The following ITIH5 variants were observed in gnomAD, a reference collection of about 807,000 sequenced individuals.
The protein encoded by ITIH5 is inter-alpha-trypsin inhibitor heavy chain 5.
In ITIH5, 65 loss-of-function variants were observed where a neutral mutation model predicts 77.5. That is an observed-to-expected ratio of 0.84 (90% CI 0.69 to 1.03). ITIH5 has a LOEUF of 1.03. Ranked by LOEUF, ITIH5 falls within the 50% of genes least tolerant of loss-of-function variation. ITIH5 has a pLI of 0.00. For missense variants in ITIH5, 1,208 were observed against 1,213.1 expected, an observed-to-expected ratio of 1.00 and a Z score of 0.06; for synonymous variants, 525 against 494.3, an observed-to-expected ratio of 1.06 and a Z score of -0.82.
At chr10:7,639,692 A>C (rs1053951651) in intron 4 of ITIH5, among the ~76,000 whole-genome samples, 1 of 152,214 alleles carries the variant, frequency 6.6e-6, no homozygotes, top group Admixed American at 6.5e-5. Flanking sequence ...AGGAAAAAAT[A>C]ATCTTAGTGT....
intron 2 of ITIH5, among the ~76,000 whole-genome samples, chr10:7,652,290 C>T (rs902781377): frequency 6.6e-6 from 1 of 152,082 alleles, no homozygotes; most frequent in African/African-American, 2.4e-5. Flanking sequence ...AATTCAAGCA[C>T]GGAACATTCA....
At position 7,637,231 on chromosome 10, in the gene ITIH5, C is replaced by G; in HGVS notation, c.649G>C (p.Glu217Gln). ...NSRQRGSGRG[E>Q]DDSGPPPSTV... Reference sequence around the variant, plus strand: ...GAACCCAGCACGCAGGACTCACCTTCCCCGCGCCCACTGCCCCTCTGCCTG... The same window carrying G: ...GAACCCAGCACGCAGGACTCACCTTGCCCGCGCCCACTGCCCCTCTGCCTG... Residue 217 changes from glutamate (E) to glutamine (Q), a missense_variant, in exon 5 of 14, where the codon GAA becomes CAA. By Grantham distance (29) the Glu-to-Gln change is conservative (BLOSUM62 2). Transcript: ENST00000397146. 1 of 1,606,634 alleles carries G rather than the reference C, an allele frequency of 6.2e-7. No homozygotes were observed. The highest frequency in any genetic ancestry group is 1.1e-5 in the South Asian group (1 of 91,018).
At chr10:7,571,153 T>C (rs1267209765) in intron 11 of ITIH5, among the ~76,000 whole-genome samples, 1 of 152,086 alleles carries the variant, frequency 6.6e-6, no homozygotes, top group Non-Finnish European at 1.5e-5. Flanking sequence ...CCCTGAAAAT[T>C]GCAACATATG....
chr10:7,595,569 C>T (rs1454488418), intron 7 of ITIH5, among the ~76,000 whole-genome samples: 1 of 152,194 alleles, frequency 6.6e-6, no homozygotes, highest in African/African-American at 2.4e-5. Flanking sequence ...ATACGTACTT[C>T]ACTTGGGTTA....
chr10:7,604,292 C>T (rs924862361), intron 7 of ITIH5, among the ~76,000 whole-genome samples: 1 of 152,178 alleles, frequency 6.6e-6, no homozygotes, highest in Non-Finnish European at 1.5e-5. Flanking sequence ...CTACTCTCCC[C>T]TAAGGGTGCA....
chr10:7,629,484 C>T (rs1275818347), intron 5 of ITIH5, among the ~76,000 whole-genome samples: 1 of 150,970 alleles, frequency 6.6e-6, no homozygotes, highest in East Asian at 2.0e-4. Context: ...CGCATGTGTC[C>T]ATGTTGTAGC....
At chr10:7,644,675 C>G (rs1264404963) in intron 2 of ITIH5, among the ~76,000 whole-genome samples, 1 of 135,536 alleles carries the variant, frequency 7.4e-6, no homozygotes, top group African/African-American at 2.7e-5. Context: ...ATATATATCA[C>G]ATATATATCA....
chr10:7,650,713 G>A (rs1337653758), intron 2 of ITIH5, among the ~76,000 whole-genome samples: 2 of 151,022 alleles, frequency 1.3e-5, no homozygotes, highest in South Asian at 2.1e-4. Context: ...TCCAGCCTGG[G>A]TGACAAGAGC....
chr10:7,566,941 C>T (rs1196045662), intron 12 of ITIH5, among the ~76,000 whole-genome samples: 4 of 148,876 alleles, frequency 2.7e-5, no homozygotes, highest in South Asian at 2.2e-4. Flanking sequence ...AAAATCTATC[C>T]CTGCCCAACG....
At chr10:7,596,110 TG>T (rs983543754) in intron 7 of ITIH5, among the ~76,000 whole-genome samples, 2 of 152,214 alleles carry the variant, frequency 1.3e-5, no homozygotes, top group African/African-American at 4.8e-5. Context: ...AGCGGATCTT[TG>T]GGGAGGAATA....
chr10:7,579,810 A>G lies in ITIH5; in HGVS notation c.1363T>C (p.Cys455Arg). The change falls in exon 9 of 14, where the codon TGT becomes CGT. Residue 455 changes from cysteine to arginine, a missense_variant. Coordinates refer to ENST00000397146, the MANE Select transcript of ITIH5 (RefSeq NM_030569.7). ...RLLEKLSLENCGLTRRVHEEE... is the reference protein window; with the variant it reads ...RLLEKLSLENRGLTRRVHEEE... ...TCGTGCACGCGCCGTGTGAGGCCAC[A>G]GTTCTCCAGCGACAGTTTCTCCAGC... The G allele has an allele frequency of 6.2e-7, 1 of 1,614,198 alleles. No individual in the cohort carries two copies. The highest frequency in any genetic ancestry group is 8.5e-7 in the Non-Finnish European group (1 of 1,180,042).
chr10:7,571,468 G>C (rs554438900), intron 11 of ITIH5: 1 of 152,194 alleles, frequency 6.6e-6, no homozygotes, highest in East Asian at 1.9e-4. Flanking sequence ...CCAGGCTGGA[G>C]TGCAATGGTG....
At position 7,576,952 on chromosome 10, in the gene ITIH5, G is replaced by T; in HGVS notation, c.1479C>A (p.Ser493Arg). Residue 493 changes from serine (S) to arginine (R), a missense_variant, in exon 10 of 14, where the codon AGC becomes AGA. By Grantham distance (110) the Ser-to-Arg change is moderately radical. Transcript: ENST00000397146. ...LSDIRIDYPP[S>R]SVVQATKTLF... The stretch of plus-strand genomic sequence containing the variant: ...GGGTCTTGGTGGCCTGCACCACTGA[G>T]CTGGGGGGATAATCGATGCGGATGT... The T allele has an allele frequency of 6.2e-7, 1 of 1,614,138 alleles. No homozygotes were observed. Among genetic ancestry groups the T allele is most frequent in the Non-Finnish European group, 8.5e-7 (1 of 1,180,018 alleles).
chr10:7,591,597 C>T (rs1832794550), intron 7 of ITIH5, among the ~76,000 whole-genome samples: 1 of 152,160 alleles, frequency 6.6e-6, no homozygotes, highest in African/African-American at 2.4e-5. Context: ...CTTGCACCTG[C>T]TGTTTTTTCC....
At chr10:7,644,179 A>T (rs1188187513) in intron 2 of ITIH5, among the ~76,000 whole-genome samples, 1 of 152,022 alleles carries the variant, frequency 6.6e-6, no homozygotes, top group Non-Finnish European at 1.5e-5. Flanking sequence ...CAAATATTGC[A>T]GTGAGCCAAG....
At chr10:7,626,632 A>G (rs1311838403) in intron 5 of ITIH5, among the ~76,000 whole-genome samples, 5 of 152,334 alleles carry the variant, frequency 3.3e-5, no homozygotes, top group Admixed American at 2.6e-4. Flanking sequence ...TAATAGGCAG[A>G]GTTGCCCGAT....
intron 7 of ITIH5, among the ~76,000 whole-genome samples, chr10:7,603,245 G>A (rs557031007): frequency 2.6e-5 from 4 of 152,284 alleles, no homozygotes; most frequent in Non-Finnish European, 4.4e-5. Context: ...TGCACACTAC[G>A]ACATGGCTGA....
At chr10:7,662,907 GTT>G (rs568146709) in intron 1 of ITIH5, among the ~76,000 whole-genome samples, 149 of 151,912 alleles carry the variant, frequency 9.8e-4, no homozygotes, top group African/African-American at 3.5e-3. Flanking sequence ...GATTTTTGTT[GTT>G]TTTTTCCCCC....
In ITIH5 at chr10:7,566,914, GAAGAAGAA is replaced by G. The variant is rs1334842227; in HGVS notation, c.2150-515_2150-508del. 2.1e-4 allele frequency among the ~76,000 whole-genome samples: 23 copies of G among 108,394 alleles called. 3 individuals carry two copies. The highest frequency in any genetic ancestry group is 6.9e-4 in the African/African-American group (18 of 26,214). 71.1% of individuals were successfully genotyped at this position (108,394 alleles called of 152,430 possible). Reference sequence around the variant, plus strand: ...AGAAGAAGAAGAAGAAGAAGAAGAAGAAGAAGAAAAGAAAAGAAAATCTATCCCTGCCC... The same window carrying G: ...AGAAGAAGAAGAAGAAGAAGAAGAAGAAGAAAAGAAAATCTATCCCTGCCC... On this transcript the variant is annotated intron_variant, in intron 12 of 13. Transcript: ENST00000397146.
Sources: allele counts gnomAD v4.1 joint callset (sites outside exome capture counted in the v4.1 genomes callset), GRCh38; gene constraint gnomAD v4.1.1; transcripts MANE v1.5; gene names NCBI Gene and HGNC (gene_info 2026-07-23, HGNC 2026-07-21).